LRP12: variants seen among roughly 807,000 people sequenced by gnomAD.
LRP12 encodes low-density lipoprotein receptor-related protein 12.
Under a neutral mutation model 66.0 loss-of-function variants are expected in LRP12, and 14 were observed. The observed-to-expected ratio is 0.21, with a 90% CI of 0.14 to 0.33. The LOEUF is 0.33. Ranked by LOEUF, LRP12 falls within the 10% of genes least tolerant of loss-of-function variation. The pLI is 1.00. For synonymous variants in LRP12, 357 were observed against 359.1 expected (o/e 0.99, Z 0.07); for missense variants, 889 against 1,053.4 (o/e 0.84, Z 2.16).
intron 1 of LRP12, among the ~76,000 whole-genome samples, chr8:104,546,958 TATATATC>T (rs1471468164): frequency 2.8e-5 from 4 of 144,030 alleles, no homozygotes; most frequent in African/African-American, 1.0e-4. Flanking sequence ...AATATATAAT[TATATATC>T]ATATATAATT....
At chr8:104,505,966 C>T (rs1367874147) in intron 3 of LRP12, 4 of 152,102 alleles carry the variant, frequency 2.6e-5, no homozygotes, top group Non-Finnish European at 5.9e-5. Context: ...AAACAACAAA[C>T]CATGACAGTA....
intron 1 of LRP12, among the ~76,000 whole-genome samples, chr8:104,540,109 C>T (rs1178742315): frequency 1.3e-5 from 2 of 151,826 alleles, no homozygotes; most frequent in African/African-American, 4.8e-5. Context: ...AGGGTGGGGG[C>T]TCTATCCAAG....
At chr8:104,507,573 C>T (rs1810928142) in intron 3 of LRP12, 1 of 152,136 alleles carries the variant, frequency 6.6e-6, no homozygotes, top group Non-Finnish European at 1.5e-5. Flanking sequence ...AAAAAACTCC[C>T]AATATGTGGT....
chr8:104,502,690 A>T (rs986887871), intron 3 of LRP12, among the ~76,000 whole-genome samples: 2 of 151,538 alleles, frequency 1.3e-5, no homozygotes, highest in African/African-American at 4.9e-5. Context: ...GTTTTTTATT[A>T]CTCTCCAGAG....
At chr8:104,586,972 C>A (rs1004699678) in intron 1 of LRP12, among the ~76,000 whole-genome samples, 3 of 152,032 alleles carry the variant, frequency 2.0e-5, no homozygotes, top group African/African-American at 7.2e-5. Context: ...AATTTGTGTT[C>A]CTCACTGAAC....
chr8:104,511,136 C>G (rs1053296149), intron 2 of LRP12, among the ~76,000 whole-genome samples: 1 of 144,148 alleles, frequency 6.9e-6, no homozygotes, highest in Non-Finnish European at 1.5e-5. Flanking sequence ...CTCTGCCTCC[C>G]AGGTTCAAGC....
At chr8:104,585,456 C>T (rs1236799087) in intron 1 of LRP12, among the ~76,000 whole-genome samples, 1 of 152,126 alleles carries the variant, frequency 6.6e-6, no homozygotes, top group Non-Finnish European at 1.5e-5. Context: ...AAACTCCTGA[C>T]TTCAGGAGAC....
chr8:104,579,849 A>T (rs1812218527), intron 1 of LRP12, among the ~76,000 whole-genome samples: 1 of 152,190 alleles, frequency 6.6e-6, no homozygotes, highest in Admixed American at 6.5e-5. Context: ...TTATTCAATA[A>T]ATGGTGCTGG....
intron 1 of LRP12, among the ~76,000 whole-genome samples, chr8:104,552,375 GTT>G (rs541170229): frequency 4.3e-5 from 6 of 138,962 alleles, no homozygotes; most frequent in Admixed American, 7.2e-5. Flanking sequence ...TTTTTTTGTT[GTT>G]TTTTTTTTTT....
intron 1 of LRP12, among the ~76,000 whole-genome samples, chr8:104,550,649 C>T (rs2140880083): frequency 6.6e-6 from 1 of 152,208 alleles, no homozygotes; most frequent in South Asian, 2.1e-4. Flanking sequence ...TCCCTTCATG[C>T]ACTATATATT....
intron 1 of LRP12, among the ~76,000 whole-genome samples, chr8:104,547,112 TTC>T (rs911604224): frequency 4.3e-4 from 62 of 144,200 alleles, no homozygotes; most frequent in Admixed American, 9.9e-4. Context: ...TAATATATAA[TTC>T]TGTTATATCA....
At chr8:104,576,704 G>A (rs184698832) in intron 1 of LRP12, among the ~76,000 whole-genome samples, 1 of 152,136 alleles carries the variant, frequency 6.6e-6, no homozygotes, top group Admixed American at 6.5e-5. Flanking sequence ...GCATAAACAA[G>A]TCTGCAAAAT....
At chr8:104,527,484 A>G (rs2140859022) in intron 2 of LRP12, among the ~76,000 whole-genome samples, 1 of 151,218 alleles carries the variant, frequency 6.6e-6, no homozygotes, top group East Asian at 1.9e-4. Context: ...CATATACACC[A>G]TGGAATACTA....
intron 1 of LRP12, among the ~76,000 whole-genome samples, chr8:104,576,475 A>C (rs945848865): frequency 6.6e-6 from 1 of 152,236 alleles, no homozygotes. Context: ...AAAATTCTTA[A>C]AGAAATTCCA....
intron 2 of LRP12, among the ~76,000 whole-genome samples, chr8:104,531,057 T>C (rs1364011116): frequency 6.6e-6 from 1 of 151,900 alleles, no homozygotes; most frequent in Non-Finnish European, 1.5e-5. Context: ...AAGTCAGACA[T>C]AAAACAAAAG....
intron 1 of LRP12, among the ~76,000 whole-genome samples, chr8:104,578,949 GACAA>G (rs1324147752): frequency 2.0e-5 from 3 of 151,994 alleles, no homozygotes; most frequent in Non-Finnish European, 4.4e-5. Flanking sequence ...AGCCGTCTAT[GACAA>G]ACAAACCCAC....
chr8:104,548,143 A>C (rs1359124716), intron 1 of LRP12, among the ~76,000 whole-genome samples: 1 of 89,246 alleles, frequency 1.1e-5, no homozygotes, highest in African/African-American at 4.9e-5. Flanking sequence ...AATTATAATT[A>C]TATTATATAT....
chr8:104,586,103 C>T (rs992140433), intron 1 of LRP12, among the ~76,000 whole-genome samples: 16 of 152,162 alleles, frequency 1.1e-4, no homozygotes, highest in Admixed American at 5.2e-4. Flanking sequence ...ACATTGAATG[C>T]GGTTAAGATA....
chr8:104,583,407 G>A (rs767391004), intron 1 of LRP12, among the ~76,000 whole-genome samples: 27 of 152,162 alleles, frequency 1.8e-4, no homozygotes, highest in Non-Finnish European at 3.2e-4. Context: ...CATATGTAAA[G>A]CTTTCTTACC....
Sources: allele counts gnomAD v4.1 joint callset (sites outside exome capture counted in the v4.1 genomes callset), GRCh38; gene constraint gnomAD v4.1.1; transcripts MANE v1.5; gene names NCBI Gene and HGNC (gene_info 2026-07-23, HGNC 2026-07-21).